Variants in TRMT6 observed in about 807,000 individuals in gnomAD.
TRMT6 encodes tRNA (adenine(58)-N(1))-methyltransferase non-catalytic subunit TRM6.
TRMT6 carries 34 observed loss-of-function variants against 59.0 expected under a neutral mutation model. The ratio of observed to expected loss-of-function variants is 0.58; its 90% CI spans 0.44 to 0.77. The LOEUF is 0.77. TRMT6 is among the 30% of genes least tolerant of loss of function. TRMT6 has a pLI of 0.00. For synonymous variants in TRMT6, 217 were observed against 210.5 expected (o/e 1.03, Z -0.27); for missense variants, 575 against 604.5 (o/e 0.95, Z 0.51).
intron 8 of TRMT6, 142 bp from the exon 9 acceptor site, chr20:5,941,487 A>G: frequency 1.5e-6 from 1 of 663,438 alleles, no homozygotes; most frequent in Non-Finnish European, 2.6e-6. Flanking sequence ...CTAGAAATCC[A>G]AAACAGAATA....
chr20:5,942,368 A>T, intron 7 of TRMT6, 60 bp downstream of exon 7: 1 of 1,437,780 alleles, frequency 7.0e-7, no homozygotes, highest in Non-Finnish European at 9.8e-7. Context: ...CTCATGACTT[A>T]ACTGAAGTTA....
At chr20:5,942,897 A>T in intron 6 of TRMT6, 111 bp from the exon 7 acceptor site, 1 of 818,696 alleles carries the variant, frequency 1.2e-6, no homozygotes, top group Non-Finnish European at 2.0e-6. Context: ...TTAGTACTTT[A>T]TTCAGAGGCT....
chr20:5,943,877 T>G, intron 5 of TRMT6, 71 bp downstream of exon 5: 1 of 1,559,732 alleles, frequency 6.4e-7, no homozygotes, highest in Non-Finnish European at 8.6e-7. Flanking sequence ...CTTTTTCATT[T>G]TACTTAAAAT....
intron 1 of TRMT6, among the ~76,000 whole-genome samples, chr20:5,948,720 T>C (rs2088731192): frequency 6.6e-6 from 1 of 152,124 alleles, no homozygotes; most frequent in Non-Finnish European, 1.5e-5. Context: ...AAGAAGAATT[T>C]AAAAATGGTT....
intron 3 of TRMT6, among the ~76,000 whole-genome samples, 187 bp downstream of exon 3, chr20:5,944,618 C>T (rs1396710123): frequency 2.0e-5 from 3 of 152,200 alleles, no homozygotes; most frequent in African/African-American, 7.2e-5. Context: ...ATGTCATTCA[C>T]TTATATTCCT....
chr20:5,946,319 G>C, intron 2 of TRMT6, 87 bp downstream of exon 2: 1 of 1,532,142 alleles, frequency 6.5e-7, no homozygotes, highest in Non-Finnish European at 9.0e-7. Flanking sequence ...GGATAGCATG[G>C]CCTAGCACTT....
intron 7 of TRMT6, 66 bp from the exon 8 acceptor site, chr20:5,942,102 G>A: frequency 7.4e-7 from 1 of 1,348,858 alleles, no homozygotes; most frequent in Non-Finnish European, 1.1e-6. Context: ...GAAATGCTCT[G>A]GCCTGTCAAA....
intron 6 of TRMT6, among the ~76,000 whole-genome samples, chr20:5,943,261 G>A (rs879807680): frequency 7.9e-5 from 12 of 152,260 alleles, no homozygotes; most frequent in East Asian, 5.8e-4. Context: ...AGCTACCCAG[G>A]AGTTTACTAA....
intron 10 of TRMT6, 119 bp from the exon 11 acceptor site, chr20:5,938,845 A>ATT (rs201461796): frequency 3.1e-4 from 271 of 879,312 alleles, no homozygotes; most frequent in Middle Eastern, 2.5e-3. Context: ...TTAAATGGAC[A>ATT]TTTTTTTTTC....
chr20:5,938,421 C>T lies in TRMT6; in HGVS notation c.*114G>A, dbSNP rs763752551. On this transcript the variant is annotated 3_prime_UTR_variant, in exon 11 of 11. Coordinates refer to ENST00000203001, the MANE Select transcript of TRMT6 (RefSeq NM_015939.5). ...TACTCCTCCTTCCTAGAAACGGGTACATAGACATGTTCTTATTCTTGGGAT... is the reference window on the plus strand; with the variant it reads ...TACTCCTCCTTCCTAGAAACGGGTATATAGACATGTTCTTATTCTTGGGAT... 6.3e-6 allele frequency: 7 copies of T among 1,112,776 alleles called. No individual in the cohort carries two copies. Among genetic ancestry groups the T allele is most frequent in the African/African-American group, 1.6e-5 (1 of 63,948 alleles). 68.9% of individuals were successfully genotyped at this position (1,112,776 alleles called of 1,614,324 possible).
At chr20:5,948,718 T>C (rs910880214) in intron 1 of TRMT6, among the ~76,000 whole-genome samples, 2 of 152,082 alleles carry the variant, frequency 1.3e-5, no homozygotes, top group Non-Finnish European at 2.9e-5. Context: ...AAAAGAAGAA[T>C]TTAAAAATGG....
chr20:5,938,865 T>C, intron 10 of TRMT6, 139 bp from the exon 11 acceptor site: 1 of 738,108 alleles, frequency 1.4e-6, no homozygotes, highest in Non-Finnish European at 2.1e-6. Context: ...CTTTCTTTTC[T>C]TTTCCCTCCC....
In TRMT6 at chr20:5,938,459, G is replaced by A; in HGVS notation, c.*76C>T. ...TTATTCTTGGGATATGAAAAAACAA[G>A]TAGTAATGGCATTTAAAGTTTAATT... On this transcript the variant is annotated 3_prime_UTR_variant, in exon 11 of 11. Transcript: ENST00000203001. 14 of 1,409,188 alleles carry A rather than the reference G, an allele frequency of 9.9e-6. No homozygotes were observed. Among genetic ancestry groups the A allele is most frequent in the Non-Finnish European group, 1.3e-5 (13 of 1,027,552 alleles). The allele number at this position is 1,409,188 out of a possible 1,614,324, so 87.3% of individuals were successfully genotyped here.
At chr20:5,942,361 A>G in intron 7 of TRMT6, 67 bp downstream of exon 7, 1 of 1,400,152 alleles carries the variant, frequency 7.1e-7, no homozygotes. Flanking sequence ...ACTAAATCTC[A>G]TGACTTAACT....
intron 7 of TRMT6, 182 bp downstream of exon 7, chr20:5,942,246 C>T (rs2088662753): frequency 1.4e-6 from 1 of 739,850 alleles, no homozygotes; most frequent in Non-Finnish European, 2.3e-6. Flanking sequence ...CTTCTGTATC[C>T]TAAAGCTCCA....
At chr20:5,948,804 C>T (rs1465310907) in intron 1 of TRMT6, among the ~76,000 whole-genome samples, 1 of 152,106 alleles carries the variant, frequency 6.6e-6, no homozygotes, top group African/African-American at 2.4e-5. Flanking sequence ...TTTATCTTTA[C>T]TAAATTAGTG....
Position 5,941,230 on chromosome 20 carries a change from A to T in TRMT6, c.1215+13T>A. 6.2e-7 allele frequency: 1 copy of T among 1,611,912 alleles called. No homozygotes were observed. Among genetic ancestry groups the T allele is most frequent in the South Asian group, 1.1e-5 (1 of 91,052 alleles). On this transcript the variant is annotated intron_variant, in intron 9 of 10. Transcript: ENST00000203001. The stretch of plus-strand genomic sequence containing the variant: ...AGACATAAGAATTCCTGCCCATTCC[A>T]TTCCAGTATTACCTCTTTGTACTGA...
In TRMT6 at chr20:5,941,386, C is replaced by T. The variant is rs113834160; in HGVS notation, c.1113-41G>A. On this transcript the variant is annotated intron_variant, in intron 8 of 10. Coordinates refer to ENST00000203001, the MANE Select transcript of TRMT6 (RefSeq NM_015939.5). ...CAGACAAATTATTTCTCTACACCCT[C>T]AAAGTGGAGCACAGGTTTTAAAATG... 2.0e-3 allele frequency: 2,886 copies of T among 1,420,092 alleles called. 29 individuals carry two copies. In the African/African-American group the frequency reaches 0.028, roughly 14 times the overall value. The allele number at this position is 1,420,092 out of a possible 1,614,324, so 88.0% of individuals were successfully genotyped here.
rs2088682687 is a variant in TRMT6, at chr20:5,944,000, A to G, written c.490T>C (p.Ser164Pro). Residue 164 changes from serine to proline, a missense_variant, in exon 5 of 11, where the codon TCC (serine) becomes CCC (proline). By Grantham distance (74) the Ser-to-Pro change is moderately conservative (BLOSUM62 -1). Transcript: ENST00000203001. The part of the protein sequence containing the change: ...YEAIITVVKP[S>P]TRILSIMYYA... ...TACATAATTGAAAGAATACGGGTGG[A>G]TGGCTTCACAACAGTAATGATGGCT... The G allele has an allele frequency of 4.3e-6, 7 of 1,610,042 alleles. No individual in the cohort carries two copies. Among genetic ancestry groups the G allele is most frequent in the Non-Finnish European group, 5.9e-6 (7 of 1,178,304 alleles).
Sources: allele counts gnomAD v4.1 joint callset (sites outside exome capture counted in the v4.1 genomes callset), GRCh38; gene constraint gnomAD v4.1.1; transcripts MANE v1.5; gene names NCBI Gene and HGNC (gene_info 2026-07-23, HGNC 2026-07-21).